Variants in IGFL2 observed in about 807,000 individuals in gnomAD.
IGFL2 encodes the protein IGF like family member 2.
In IGFL2, 7 loss-of-function variants were observed where a neutral mutation model predicts 13.9. The observed-to-expected ratio is 0.51, with a 90% confidence interval of 0.29 to 0.95. The LOEUF (loss-of-function observed/expected upper bound fraction) is 0.95. Ranked by LOEUF, IGFL2 falls within the 40% of genes least tolerant of loss-of-function variation. The pLI is 0.08. For missense variants in IGFL2, 138 were observed against 147.8 expected, an observed-to-expected ratio of 0.93 and a Z score of 0.34; for synonymous variants, 55 against 55.8, an observed-to-expected ratio of 0.99 and a Z score of 0.07.
chr19:46,162,573 C>G (rs762622298), downstream of IGFL2, among the ~76,000 whole-genome samples: 9 of 152,118 alleles, frequency 5.9e-5, no homozygotes, highest in Non-Finnish European at 8.8e-5. Flanking sequence ...CTTTCCTCAG[C>G]TTGGTTTATT....
Position 46,160,472 on chromosome 19 carries a change from A to G in IGFL2, c.73+4A>G. ...TTGTGTCCAAGGGAAGTCATCGGTG[A>G]GTACAAGGATGGGCAAGAGTGAAGA... On this transcript the variant is annotated splice_donor_region_variant and intron_variant, in intron 2 of 3. Coordinates refer to ENST00000377693, the MANE Select transcript of IGFL2 (RefSeq NM_001135113.2). 1 of 1,613,800 alleles carries G rather than the reference A, an allele frequency of 6.2e-7. No individual in the cohort carries two copies. The highest frequency in any genetic ancestry group is 1.3e-5 in the African/African-American group (1 of 75,042).
At chr19:46,123,516 T>C in the IGFL2 span, among the ~76,000 whole-genome samples, 3 of 150,906 alleles carry the variant, frequency 2.0e-5, no homozygotes, top group Non-Finnish European at 4.4e-5. Context: ...TGCATATACA[T>C]ATACTGTATA....
chr19:46,153,176 GC>G (rs1382541928), intron 1 of IGFL2, among the ~76,000 whole-genome samples: 1 of 152,156 alleles, frequency 6.6e-6, no homozygotes, highest in African/African-American at 2.4e-5. Context: ...GGTAATACAG[GC>G]CTCAGAATAG....
chr19:46,149,161 T>TTCTC lies in IGFL2; in HGVS notation c.19+876_19+879dup, dbSNP rs955695983. ...CCATCTCTCTCTCTCCCTCTCTCTCTTCTCTCTCTCTCTCTTCTCTCTCTC... is the reference window on the plus strand; with the variant it reads ...CCATCTCTCTCTCTCCCTCTCTCTCTTCTCTCTCTCTCTCTCTCTTCTCTCTCTC... On this transcript the variant is annotated intron_variant, in intron 1 of 3. Coordinates refer to ENST00000377693, the MANE Select transcript of IGFL2 (RefSeq NM_001135113.2). 15 of 646,112 alleles carry TTCTC rather than the reference T, an allele frequency of 2.3e-5. No individual in the cohort carries two copies. In the East Asian group the frequency reaches 4.4e-4, roughly 19 times the overall value. The allele number at this position is 646,112 out of a possible 1,614,324, so 40.0% of individuals were successfully genotyped here.
chr19:46,121,989 A>G, the IGFL2 span, among the ~76,000 whole-genome samples: 10 of 151,306 alleles, frequency 6.6e-5, no homozygotes, highest in African/African-American at 2.2e-4. Context: ...TAGTATTTCA[A>G]TGCTGTACCT....
chr19:46,190,821 A>G, the IGFL2 span, among the ~76,000 whole-genome samples: 1 of 152,224 alleles, frequency 6.6e-6, no homozygotes, highest in Non-Finnish European at 1.5e-5. Flanking sequence ...ACGGACCTGG[A>G]TCTTTTTACC....
At chr19:46,119,046 G>A in the IGFL2 span, among the ~76,000 whole-genome samples, 46 of 152,126 alleles carry the variant, frequency 3.0e-4, no homozygotes, top group African/African-American at 9.6e-4. Flanking sequence ...TCTCTGTTTT[G>A]TCTGGTCACA....
chr19:46,088,475 T>C, the IGFL2 span, among the ~76,000 whole-genome samples: 1 of 152,218 alleles, frequency 6.6e-6, no homozygotes, highest in South Asian at 2.1e-4. Context: ...TTGTAACATA[T>C]ATATTTACAC....
chr19:46,197,149 G>A, the IGFL2 span: 3 of 229,242 alleles, frequency 1.3e-5, no homozygotes, highest in African/African-American at 4.6e-5. Context: ...GGACCCAGAG[G>A]GGTGGAACTG....
chr19:46,146,611 GT>G (rs370734690), upstream of IGFL2, among the ~76,000 whole-genome samples: 14 of 152,068 alleles, frequency 9.2e-5, no homozygotes, highest in African/African-American at 3.1e-4. Context: ...TGTATTTAAG[GT>G]TTCCTTGAAT....
At chr19:46,088,155 A>G in the IGFL2 span, among the ~76,000 whole-genome samples, 5,965 of 152,130 alleles carry the variant, frequency 0.039, 173 homozygotes, top group Non-Finnish European at 0.053. Context: ...GGTGCCTCCC[A>G]TTACTTCTCT....
chr19:46,137,333 T>C, the IGFL2 span: 1 of 1,094,104 alleles, frequency 9.1e-7, no homozygotes, highest in Non-Finnish European at 1.4e-6. Context: ...TCTGAGAAGC[T>C]TGTGGCGGGC....
chr19:46,163,673 G>A (rs1423098160), downstream of IGFL2, among the ~76,000 whole-genome samples: 1 of 152,224 alleles, frequency 6.6e-6, no homozygotes, highest in African/African-American at 2.4e-5. Context: ...TGTTCATGGA[G>A]TTGCTGAGTT....
chr19:46,200,502 TTCTTTTC>T, the IGFL2 span, among the ~76,000 whole-genome samples: 3 of 150,232 alleles, frequency 2.0e-5, no homozygotes, highest in East Asian at 3.9e-4. Flanking sequence ...TTCTTTTCTT[TTCTTTTC>T]TCTTTTCTTT....
At chr19:46,149,485 T>G (rs1317860896) in intron 1 of IGFL2, among the ~76,000 whole-genome samples, 1 of 151,228 alleles carries the variant, frequency 6.6e-6, no homozygotes, top group Non-Finnish European at 1.5e-5. Context: ...CCGAGTCACC[T>G]GGCTCCATAG....
chr19:46,136,131 C>G, the IGFL2 span, among the ~76,000 whole-genome samples: 1 of 152,170 alleles, frequency 6.6e-6, no homozygotes, highest in Non-Finnish European at 1.5e-5. Flanking sequence ...GGATGTCAAC[C>G]TCTCTAGCAA....
chr19:46,094,512 T>G, the IGFL2 span, among the ~76,000 whole-genome samples: 18 of 152,186 alleles, frequency 1.2e-4, no homozygotes, highest in Middle Eastern at 3.4e-3. Context: ...TCTTTTTTTT[T>G]TGTGTGTTTT....
chr19:46,182,365 TA>T, the IGFL2 span, among the ~76,000 whole-genome samples: 2,708 of 78,672 alleles, frequency 0.034, 48 homozygotes, highest in Middle Eastern at 0.15. Flanking sequence ...AGACTTTGCC[TA>T]AAAAAAAAAA....
intron 1 of IGFL2, among the ~76,000 whole-genome samples, chr19:46,155,144 G>A (rs569452920): frequency 5.3e-4 from 80 of 152,300 alleles, no homozygotes; most frequent in African/African-American, 1.9e-3. Flanking sequence ...TGCTAAACTT[G>A]GCATGGAACT....
Sources: allele counts gnomAD v4.1 joint callset (sites outside exome capture counted in the v4.1 genomes callset), GRCh38; gene constraint gnomAD v4.1.1; transcripts MANE v1.5; gene names NCBI Gene and HGNC (gene_info 2026-07-23, HGNC 2026-07-21).